Variants in SPECC1L observed in about 807,000 individuals in gnomAD.
SPECC1L encodes the protein sperm antigen with calponin homology and coiled-coil domains 1 like.
Under a neutral mutation model 116.8 loss-of-function variants are expected in SPECC1L, and 40 were observed. The observed-to-expected ratio is 0.34, with a 90% CI of 0.27 to 0.45. The LOEUF is 0.45. Ranked by LOEUF, SPECC1L falls within the 20% of genes least tolerant of loss-of-function variation. The pLI, the probability that SPECC1L is intolerant of heterozygous loss-of-function variation, is 1.00. For missense variants in SPECC1L, 1,110 were observed against 1,373.6 expected (o/e 0.81, Z 3.03); for synonymous variants, 504 against 500.6 (o/e 1.01, Z -0.09).
At chr22:24,411,143 C>A (rs1333351847) in intron 14 of SPECC1L, among the ~76,000 whole-genome samples, 1 of 152,060 alleles carries the variant, frequency 6.6e-6, no homozygotes, top group Non-Finnish European at 1.5e-5. Context: ...GAGCCGAGAT[C>A]ATGCCACTGC....
intron 12 of SPECC1L, among the ~76,000 whole-genome samples, chr22:24,364,048 A>C (rs2146626054): frequency 6.6e-6 from 1 of 152,268 alleles, no homozygotes; most frequent in South Asian, 2.1e-4. Flanking sequence ...CTGCAGATCC[A>C]CCTTCTTCTG....
chr22:24,351,276 C>T (rs1481854345), intron 11 of SPECC1L, among the ~76,000 whole-genome samples: 2 of 152,160 alleles, frequency 1.3e-5, no homozygotes, highest in East Asian at 3.8e-4. Flanking sequence ...ACAAGCACCC[C>T]AAGTGACTCT....
chr22:24,365,563 C>T lies in SPECC1L; in HGVS notation c.2915C>T (p.Thr972Met), dbSNP rs778020153. ...GCCTCTCTGATGGCTATGGGAACCA[C>T]GTCTCCACAGCTTTCCCTGTCCTCT... ...SPASLMAMGT[T>M]SPQLSLSSSP... Residue 972 changes from threonine (T) to methionine (M), a missense_variant, in exon 13 of 17, where the codon ACG becomes ATG. This residue lies in a region of SPECC1L where 575 missense variants were observed against 682.4 expected (regional missense o/e 0.84). Transcript: ENST00000314328. The T allele has an allele frequency of 3.7e-6, 6 of 1,614,000 alleles. No homozygotes were observed. The highest frequency in any genetic ancestry group is 1.7e-5 in the Admixed American group (1 of 60,010).
chr22:24,412,991 G>T (rs562943335), intron 16 of SPECC1L, among the ~76,000 whole-genome samples: 20 of 152,300 alleles, frequency 1.3e-4, no homozygotes, highest in African/African-American at 4.8e-4. Flanking sequence ...CCTTCCCTGG[G>T]ACGGCTCTTT....
At chr22:24,374,622 T>G (rs2041936154) in intron 14 of SPECC1L, among the ~76,000 whole-genome samples, 2 of 83,514 alleles carry the variant, frequency 2.4e-5, no homozygotes. Flanking sequence ...AGGGGCCTGT[T>G]GTGGGGTGGG....
intron 10 of SPECC1L, among the ~76,000 whole-genome samples, chr22:24,341,142 A>G (rs1229546607): frequency 6.6e-6 from 1 of 152,102 alleles, no homozygotes; most frequent in African/African-American, 2.4e-5. Context: ...TCAACATTCA[A>G]GGAGAAGGCG....
In SPECC1L at chr22:24,324,229, G is replaced by T; in HGVS notation, c.1948G>T (p.Glu650Ter). ...CGTCAATTTTACGTAGGTAGAGGAT[G>T]AATACCGAGCCTTCCAAGAAGAAGC... is the stretch of plus-strand genomic sequence containing the variant. ...LQDAIAKVED[E>*]YRAFQEEAKK... The change falls in exon 6 of 17, where the codon GAA becomes TAA. Residue 650 changes from glutamate to a stop codon, truncating the protein, a stop_gained. Coordinates refer to ENST00000314328, the MANE Select transcript of SPECC1L (RefSeq NM_015330.6). LOFTEE classifies it high-confidence loss of function. 6.2e-7 allele frequency: 1 copy of T among 1,613,760 alleles called. No homozygotes were observed. The highest frequency in any genetic ancestry group is 1.1e-5 in the South Asian group (1 of 91,062).
At chr22:24,317,356 A>T (rs1368079964) in intron 4 of SPECC1L, among the ~76,000 whole-genome samples, 1 of 98,486 alleles carries the variant, frequency 1.0e-5, no homozygotes, top group African/African-American at 3.7e-5. Flanking sequence ...CTGGCCGGGC[A>T]GAGGGGCTCC....
intron 10 of SPECC1L, among the ~76,000 whole-genome samples, chr22:24,345,736 C>T (rs1457032641): frequency 1.3e-5 from 2 of 152,068 alleles, no homozygotes; most frequent in African/African-American, 4.8e-5. Flanking sequence ...TCCAAATGGC[C>T]AAAATCTAAA....
At chr22:24,296,095 A>G (rs1053531522) in intron 2 of SPECC1L, among the ~76,000 whole-genome samples, 1 of 152,224 alleles carries the variant, frequency 6.6e-6, no homozygotes, top group African/African-American at 2.4e-5. Flanking sequence ...TGGCATTCCT[A>G]ACTTGTGTTA....
rs541549655 is a variant in SPECC1L at position 24,296,389 on chromosome 22, CTGTT to C, written c.-37-5803_-37-5800del. 4.6e-5 allele frequency among the ~76,000 whole-genome samples: 7 copies of C among 152,318 alleles called. No homozygotes were observed. In the East Asian group the frequency reaches 1.3e-3, roughly 29 times the overall value. On this transcript the variant is annotated intron_variant, in intron 2 of 16. Transcript: ENST00000314328. Reference sequence around the variant, plus strand: ...TCTATTTTGGTGTTTTTAAGAAACACTGTTTGACAAATACATGAGGCATACTTCA... The same window carrying C: ...TCTATTTTGGTGTTTTTAAGAAACACTGACAAATACATGAGGCATACTTCA...
intron 14 of SPECC1L, among the ~76,000 whole-genome samples, chr22:24,401,954 C>T (rs1222894482): frequency 6.6e-6 from 1 of 152,186 alleles, no homozygotes; most frequent in Non-Finnish European, 1.5e-5. Flanking sequence ...CAGGGCTTAT[C>T]TCCAGAGGCT....
At chr22:24,407,992 A>G (rs1357187852) in intron 14 of SPECC1L, among the ~76,000 whole-genome samples, 1 of 152,184 alleles carries the variant, frequency 6.6e-6, no homozygotes, top group Non-Finnish European at 1.5e-5. Flanking sequence ...ATGATCCCAG[A>G]GACCAGCTGT....
chr22:24,371,613 A>T (rs1338667533), intron 14 of SPECC1L, among the ~76,000 whole-genome samples: 1 of 152,260 alleles, frequency 6.6e-6, no homozygotes, highest in Non-Finnish European at 1.5e-5. Flanking sequence ...AAAATTAATC[A>T]CAAGGGAAAT....
At chr22:24,334,691 T>C (rs1308849865) in intron 9 of SPECC1L, 118 bp downstream of exon 9, 4 of 1,101,088 alleles carry the variant, frequency 3.6e-6, no homozygotes, top group African/African-American at 3.1e-5. Flanking sequence ...AACTTTCATA[T>C]AGTATTAATG....
chr22:24,347,268 A>G lies in SPECC1L; in HGVS notation c.2743+92A>G, dbSNP rs952600046. On this transcript the variant is annotated intron_variant, in intron 11 of 16. Coordinates refer to ENST00000314328, the MANE Select transcript of SPECC1L (RefSeq NM_015330.6). ...AAACTAAATATTTTCTTTGCTCTTG[A>G]TACTATTTCAATCAATCTGGTATAC... is the stretch of plus-strand genomic sequence containing the variant. 3 of 927,714 alleles carry G rather than the reference A, an allele frequency of 3.2e-6. No individual in the cohort carries two copies. The African/African-American group carries it at 4.9e-5, about 15-fold the overall frequency. 57.5% of individuals were successfully genotyped at this position (927,714 alleles called of 1,614,324 possible).
chr22:24,367,293 T>TC (rs1158584191), intron 13 of SPECC1L, among the ~76,000 whole-genome samples: 3 of 152,242 alleles, frequency 2.0e-5, no homozygotes, highest in Non-Finnish European at 4.4e-5. Context: ...TCTTTCTCTT[T>TC]CCCTGTGGTT....
chr22:24,396,964 G>A (rs942126727), intron 14 of SPECC1L, among the ~76,000 whole-genome samples: 4 of 152,300 alleles, frequency 2.6e-5, no homozygotes, highest in South Asian at 4.1e-4. Context: ...TCTTCTCTGG[G>A]GTCCTGGTGA....
At chr22:24,277,734 A>G (rs529185119) in intron 2 of SPECC1L, among the ~76,000 whole-genome samples, 1 of 152,342 alleles carries the variant, frequency 6.6e-6, no homozygotes, top group South Asian at 2.1e-4. Context: ...TGAATGATAT[A>G]CTTTATTTGT....
Sources: allele counts gnomAD v4.1 joint callset (sites outside exome capture counted in the v4.1 genomes callset), GRCh38; gene constraint gnomAD v4.1.1; regional missense constraint gnomAD v4.1.1; transcripts MANE v1.5; gene names NCBI Gene and HGNC (gene_info 2026-07-23, HGNC 2026-07-21).